The following TM6SF1 variants were observed in gnomAD, a reference collection of about 807,000 sequenced individuals.
TM6SF1 encodes transmembrane 6 superfamily member 1.
In TM6SF1, 43 loss-of-function variants were observed where a neutral mutation model predicts 47.1. The ratio of observed to expected loss-of-function variants is 0.91; its 90% CI spans 0.72 to 1.18. TM6SF1 has a LOEUF of 1.18. Ranked by LOEUF, TM6SF1 falls within the 50% of genes most tolerant of loss-of-function variation. The probability of loss-of-function intolerance (pLI) is 0.00; values close to 1 mark genes in which losing one functional copy is unlikely to be tolerated. For synonymous variants in TM6SF1, 177 were observed against 166.3 expected (o/e 1.06, Z -0.49); for missense variants, 390 against 449.0 (o/e 0.87, Z 1.19).
At chr15:83,116,698 G>A (rs2151346959) in intron 3 of TM6SF1, among the ~76,000 whole-genome samples, 1 of 152,308 alleles carries the variant, frequency 6.6e-6, no homozygotes, top group East Asian at 1.9e-4. Context: ...GGCTTCCTCG[G>A]GACCAGCAGG....
Position 83,112,815 on chromosome 15 carries a change from G to T in TM6SF1, c.111G>T (p.Gly37=), listed in dbSNP as rs755830379. ...AAQHDSWTIV[G]VAALILFLVA... is the part of the protein sequence containing the mutation. ...GTTGCAGTTCCTGGACTATTGTAGG[G>T]GTTGCTGCCCTCATCCTGTTCCTGG... Residue 37 remains glycine (G), a synonymous_variant, in exon 2 of 10, where the codon GGG becomes GGT. Transcript: ENST00000322019. 97 of 1,613,868 alleles carry T rather than the reference G, an allele frequency of 6.0e-5. No individual in the cohort carries two copies. The highest frequency in any genetic ancestry group is 8.1e-5 in the Non-Finnish European group (95 of 1,179,894).
In TM6SF1 at chr15:83,122,878, G is replaced by A; in HGVS notation, c.603G>A (p.Lys201=). ...QPSENYNYPS[K]VIQEAQAKDL... ...CAGAAAATTATAATTACCCCTCAAA[G>A]GTGATTTTATTAAGCTTTGATGTAC... is the stretch of plus-strand genomic sequence containing the variant. The change falls in exon 6 of 10, where the codon AAG becomes AAA. Residue 201 remains lysine, a splice_region_variant and synonymous_variant. Coordinates refer to ENST00000322019, the MANE Select transcript of TM6SF1 (RefSeq NM_023003.5). 3.7e-6 allele frequency: 6 copies of A among 1,613,738 alleles called. No homozygotes were observed. The highest frequency in any genetic ancestry group is 5.1e-6 in the Non-Finnish European group (6 of 1,179,938).
intron 2 of TM6SF1, 62 bp from the exon 3 acceptor site, chr15:83,115,783 C>T (rs776352856): frequency 2.7e-6 from 3 of 1,103,980 alleles, no homozygotes. Context: ...TAGCTGATGC[C>T]AAGCTTGTAG....
chr15:83,122,040 T>A (rs1391829123), intron 5 of TM6SF1, 37 bp downstream of exon 5: 1 of 1,491,438 alleles, frequency 6.7e-7, no homozygotes, highest in Non-Finnish European at 9.3e-7. Flanking sequence ...TTTCCTTTTC[T>A]AAAACAATGG....
chr15:83,127,502 G>A (rs1328680974), intron 9 of TM6SF1, 25 bp downstream of exon 9: 9 of 1,611,936 alleles, frequency 5.6e-6, no homozygotes, highest in Non-Finnish European at 7.6e-6. Context: ...CTGTTGAGAA[G>A]GTTTACTTGT....
intron 9 of TM6SF1, chr15:83,127,906 T>TA (rs57747226): frequency 3.7e-5 from 6 of 162,212 alleles, no homozygotes; most frequent in African/African-American, 1.4e-4. Context: ...GAAACTGGTT[T>TA]AAAAAATGTT....
intron 2 of TM6SF1, 185 bp from the exon 3 acceptor site, chr15:83,115,660 C>G: frequency 2.9e-6 from 2 of 692,272 alleles, no homozygotes; most frequent in South Asian, 3.0e-5. Flanking sequence ...ATGGGGAGAG[C>G]TGCGAACACA....
intron 6 of TM6SF1, among the ~76,000 whole-genome samples, chr15:83,124,455 C>T (rs1441132926): frequency 1.3e-5 from 2 of 151,974 alleles, no homozygotes; most frequent in East Asian, 1.9e-4. Flanking sequence ...AAGAGCCCTT[C>T]GAGAGATCAT....
chr15:83,130,202 C>CA (rs1158316465), intron 9 of TM6SF1: 3 of 152,318 alleles, frequency 2.0e-5, no homozygotes, highest in Non-Finnish European at 4.4e-5. Flanking sequence ...AAAGCCTAGT[C>CA]ACATGGCCAG....
intron 7 of TM6SF1, 84 bp downstream of exon 7, chr15:83,124,860 T>C (rs1217304149): frequency 2.2e-5 from 27 of 1,252,948 alleles, no homozygotes; most frequent in Admixed American, 7.3e-5. Flanking sequence ...TATGTTTTTG[T>C]TTTTCCATCA....
intron 4 of TM6SF1, among the ~76,000 whole-genome samples, chr15:83,121,695 G>A (rs569732659): frequency 6.6e-5 from 10 of 152,272 alleles, no homozygotes; most frequent in South Asian, 4.1e-4. Flanking sequence ...CATAGCAGGC[G>A]TAATTTCCTA....
Position 83,112,825 on chromosome 15 carries a change from C to G in TM6SF1, c.121C>G (p.Leu41Val), listed in dbSNP as rs368481259. 3 of 1,614,096 alleles carry G rather than the reference C, an allele frequency of 1.9e-6. No homozygotes were observed. The South Asian group carries it at 3.3e-5, about 18-fold the overall frequency. The change falls in exon 2 of 10, where the codon CTC (leucine) becomes GTC (valine). Residue 41 changes from leucine to valine, a missense_variant. By Grantham distance (32) the Leu-to-Val change is conservative (BLOSUM62 1). Coordinates refer to ENST00000322019, the MANE Select transcript of TM6SF1 (RefSeq NM_023003.5). The part of the protein sequence containing the change: ...DSWTIVGVAA[L>V]ILFLVALLAR... Reference sequence around the variant, plus strand: ...CTGGACTATTGTAGGGGTTGCTGCCCTCATCCTGTTCCTGGTAGCACTGCT... The same window carrying G: ...CTGGACTATTGTAGGGGTTGCTGCCGTCATCCTGTTCCTGGTAGCACTGCT...
At chr15:83,108,605 C>T (rs1162372727) in intron 1 of TM6SF1, among the ~76,000 whole-genome samples, 1 of 152,224 alleles carries the variant, frequency 6.6e-6, no homozygotes, top group Non-Finnish European at 1.5e-5. Flanking sequence ...CAGCTGAAGG[C>T]CTGAGGGTCG....
At chr15:83,123,877 G>A (rs114547847) in intron 6 of TM6SF1, among the ~76,000 whole-genome samples, 50 of 152,346 alleles carry the variant, frequency 3.3e-4, no homozygotes, top group African/African-American at 1.1e-3. Flanking sequence ...GGGCCAAGCA[G>A]GCATTGTCAT....
chr15:83,128,519 A>T (rs907901852), intron 9 of TM6SF1: 1 of 152,120 alleles, frequency 6.6e-6, no homozygotes, highest in African/African-American at 2.4e-5. Context: ...CTTGGGGTTT[A>T]TTTCTGTATT....
At chr15:83,119,439 C>T in intron 3 of TM6SF1, 139 bp from the exon 4 acceptor site, 1 of 910,644 alleles carries the variant, frequency 1.1e-6, no homozygotes, top group Non-Finnish European at 1.7e-6. Flanking sequence ...CATGTTCCTA[C>T]CAATTTTGAA....
At chr15:83,108,498 GAAGGA>G in intron 1 of TM6SF1, among the ~76,000 whole-genome samples, 1 of 152,216 alleles carries the variant, frequency 6.6e-6, no homozygotes, top group African/African-American at 2.4e-5. Flanking sequence ...ACTTCAATGT[GAAGGA>G]AATGGGTGGG....
In TM6SF1 at chr15:83,115,911, T is replaced by C. The variant is rs914298434; in HGVS notation, c.263T>C (p.Ile88Thr). The C allele has an allele frequency of 1.2e-6, 2 of 1,614,056 alleles. No homozygotes were observed. Among genetic ancestry groups the C allele is most frequent in the South Asian group, 1.1e-5 (1 of 91,084 alleles). ...LIIGLEQDGI[I>T]DGFMTHYLRE... Reference sequence around the variant, plus strand: ...ATAGGACTGGAGCAAGATGGAATCATTGACGGGTTCATGACACACTACTTG... The same window carrying C: ...ATAGGACTGGAGCAAGATGGAATCACTGACGGGTTCATGACACACTACTTG... The change falls in exon 3 of 10, where the codon ATT (isoleucine) becomes ACT (threonine). Residue 88 changes from isoleucine (I) to threonine (T), a missense_variant. Ile to Thr is a moderately conservative substitution (Grantham distance 89). Transcript: ENST00000322019.
intron 2 of TM6SF1, chr15:83,113,480 T>C (rs950905713): frequency 6.5e-6 from 1 of 153,210 alleles, no homozygotes; most frequent in Non-Finnish European, 1.5e-5. Context: ...CTAAAGCCCA[T>C]GCCCTTCCAT....
Sources: gnomAD v4.1 joint callset for allele counts (sites outside exome capture counted in the v4.1 genomes callset) on GRCh38, gnomAD v4.1.1 for gene constraint, MANE v1.5 for transcripts, NCBI Gene and HGNC (gene_info 2026-07-23, HGNC 2026-07-21) for gene names.